Variants in ABCA4 observed in about 807,000 individuals in gnomAD.
ABCA4 encodes the protein retinal-specific phospholipid-transporting ATPase ABCA4.
In ABCA4, 196 loss-of-function variants were observed where a neutral mutation model predicts 263.7. The observed-to-expected ratio is 0.74, with a 90% CI of 0.66 to 0.84. ABCA4 has a LOEUF of 0.84. Ranked by LOEUF, ABCA4 falls within the 40% of genes least tolerant of loss-of-function variation. ABCA4 has a pLI of 0.00. For synonymous variants in ABCA4, 1,133 were observed against 1,094.2 expected (o/e 1.04, Z -0.70); for missense variants, 2,792 against 2,855.1 (o/e 0.98, Z 0.50).
chr1:94,000,979 C>G, intron 46 of ABCA4, 23 bp downstream of exon 46: 1 of 1,614,064 alleles, frequency 6.2e-7, no homozygotes, highest in Non-Finnish European at 8.5e-7. Flanking sequence ...CACCCACCTT[C>G]CCCAGCCCTG....
In ABCA4 at chr1:94,031,007, G is replaced by A. The variant is rs1660185334; in HGVS notation, c.4242C>T (p.Tyr1414=). The A allele has an allele frequency of 5.6e-6, 9 of 1,614,080 alleles. No homozygotes were observed. Among genetic ancestry groups the A allele is most frequent in the East Asian group, 2.2e-5 (1 of 44,874 alleles). Residue 1414 remains tyrosine, a synonymous_variant, in exon 28 of 50, where the codon TAC becomes TAT. Transcript: ENST00000370225. ...TLHPWIYGQQ[Y]TFFSMDEPGS... is the part of the protein sequence containing the mutation. ...CCGAGTCCGCGCACCTGAAGAAGGT[G>A]TACTGCTGCCCATATATCCAGGGGT... is the stretch of plus-strand genomic sequence containing the variant.
At chr1:94,101,046 C>A (rs1662272835) in intron 5 of ABCA4, among the ~76,000 whole-genome samples, 1 of 152,222 alleles carries the variant, frequency 6.6e-6, no homozygotes, top group Non-Finnish European at 1.5e-5. Context: ...ATCAGCAGAG[C>A]ATCAGCTCAT....
At chr1:94,015,583 C>T (rs1030126331) in intron 37 of ABCA4, among the ~76,000 whole-genome samples, 156 bp downstream of exon 37, 1 of 152,106 alleles carries the variant, frequency 6.6e-6, no homozygotes, top group African/African-American at 2.4e-5. Context: ...CAGACAGATC[C>T]CTGGTTATCA....
chr1:94,022,785 C>A (rs1659937597), intron 32 of ABCA4, among the ~76,000 whole-genome samples: 1 of 152,188 alleles, frequency 6.6e-6, no homozygotes, highest in Admixed American at 6.5e-5. Flanking sequence ...GCCGAGGCCC[C>A]ACAGGTCCCT....
intron 16 of ABCA4, among the ~76,000 whole-genome samples, chr1:94,054,440 A>G (rs1199298820): frequency 2.0e-5 from 3 of 150,814 alleles, no homozygotes; most frequent in Non-Finnish European, 4.4e-5. Flanking sequence ...AGATCTCTTC[A>G]GTCTGGAAAG....
At chr1:94,096,956 C>A (rs1662137572) in intron 6 of ABCA4, among the ~76,000 whole-genome samples, 1 of 152,204 alleles carries the variant, frequency 6.6e-6, no homozygotes, top group Non-Finnish European at 1.5e-5. Context: ...TGAGAGGGAG[C>A]CTCTGGTGGC....
chr1:94,078,565 C>T (rs760752514), intron 10 of ABCA4, 25 bp downstream of exon 10: 2 of 934,102 alleles, frequency 2.1e-6, no homozygotes, highest in South Asian at 2.5e-5. Context: ...CTCCCCTCCC[C>T]TCCCCATCCT....
At chr1:93,994,281 AG>A (rs1658941239) in intron 49 of ABCA4, among the ~76,000 whole-genome samples, 1 of 152,252 alleles carries the variant, frequency 6.6e-6, no homozygotes, top group Non-Finnish European at 1.5e-5. Flanking sequence ...TTAATAACAG[AG>A]TATAAGATTG....
intron 4 of ABCA4, among the ~76,000 whole-genome samples, chr1:94,105,156 C>A (rs1662397731): frequency 6.6e-6 from 1 of 152,178 alleles, no homozygotes; most frequent in Non-Finnish European, 1.5e-5. Flanking sequence ...CTCTGACACC[C>A]AGCATTAAAG....
intron 26 of ABCA4, among the ~76,000 whole-genome samples, chr1:94,035,405 A>G (rs1241538471): frequency 3.3e-5 from 5 of 152,184 alleles, no homozygotes; most frequent in Non-Finnish European, 7.3e-5. Flanking sequence ...CCCCACACCC[A>G]CTGTGCCAGG....
chr1:94,067,061 C>T (rs1230425865), intron 11 of ABCA4, among the ~76,000 whole-genome samples: 3 of 152,158 alleles, frequency 2.0e-5, no homozygotes, highest in Non-Finnish European at 2.9e-5. Flanking sequence ...TCTAGAATAG[C>T]ATTTTGTCAT....
In ABCA4 at chr1:94,015,048, C is replaced by T. The variant is rs149773970; in HGVS notation, c.5313-358G>A. On this transcript the variant is annotated intron_variant, in intron 37 of 49. Coordinates refer to ENST00000370225, the MANE Select transcript of ABCA4 (RefSeq NM_000350.3). ...CCAGCTGAGGTCATCTCAGATGAGCCCAGTGAGCTCATCTTCACAGCTTAT... is the reference window on the plus strand; with the variant it reads ...CCAGCTGAGGTCATCTCAGATGAGCTCAGTGAGCTCATCTTCACAGCTTAT... 3.3e-5 allele frequency among the ~76,000 whole-genome samples: 5 copies of T among 152,238 alleles called. No individual in the cohort carries two copies. In the East Asian group the frequency reaches 7.7e-4, roughly 24 times the overall value.
At chr1:94,014,199 AGGAAGGATG>A (rs1216329676) in intron 38 of ABCA4, among the ~76,000 whole-genome samples, 2 of 126,352 alleles carry the variant, frequency 1.6e-5, no homozygotes, top group East Asian at 5.0e-4. Context: ...GGAAGAAAGA[AGGAAGGATG>A]GAGGGAGGGA....
chr1:94,101,692 C>T (rs1361435061), intron 5 of ABCA4, among the ~76,000 whole-genome samples: 1 of 152,196 alleles, frequency 6.6e-6, no homozygotes, highest in Non-Finnish European at 1.5e-5. Flanking sequence ...GAGGATCAGA[C>T]CCAGCCAGGA....
intron 14 of ABCA4, among the ~76,000 whole-genome samples, chr1:94,058,537 T>A (rs1174885067): frequency 6.6e-6 from 1 of 152,222 alleles, no homozygotes; most frequent in Non-Finnish European, 1.5e-5. Flanking sequence ...AATTTTTGTA[T>A]TTTTAGGAGA....
chr1:94,089,470 A>ATTTT (rs60711208), intron 6 of ABCA4, among the ~76,000 whole-genome samples: 3 of 141,772 alleles, frequency 2.1e-5, no homozygotes, highest in Non-Finnish European at 3.1e-5. Context: ...TTTCTTTTCT[A>ATTTT]TTTTTTTTTT....
intron 1 of ABCA4, among the ~76,000 whole-genome samples, chr1:94,118,098 T>C (rs774266122): frequency 6.6e-6 from 1 of 152,082 alleles, no homozygotes; most frequent in African/African-American, 2.4e-5. Flanking sequence ...AGCATGGGTG[T>C]GAATCCCAGG....
Position 94,115,269 on chromosome 1 carries a change from C to T in ABCA4, c.67-2203G>A, listed in dbSNP as rs137895434. 1.4e-3 allele frequency among the ~76,000 whole-genome samples: 219 copies of T among 152,284 alleles called. 2 individuals are homozygous for T. Among genetic ancestry groups the T allele is most frequent in the African/African-American group, 4.9e-3 (205 of 41,550 alleles). On this transcript the variant is annotated intron_variant, in intron 1 of 49. Transcript: ENST00000370225. ...ATCCAACACATTTGACTCCTTTAGA[C>T]GACTGCTTGCAATATTGGCTTTCTA...
At chr1:94,027,639 C>T (rs998964514) in intron 30 of ABCA4, among the ~76,000 whole-genome samples, 3 of 152,144 alleles carry the variant, frequency 2.0e-5, no homozygotes, top group African/African-American at 7.2e-5. Context: ...ATCGGGTGTT[C>T]TTGGCCTAGA....
Sources: gnomAD v4.1 joint callset for allele counts (sites outside exome capture counted in the v4.1 genomes callset) on GRCh38, gnomAD v4.1.1 for gene constraint, MANE v1.5 for transcripts, NCBI Gene and HGNC (gene_info 2026-07-23, HGNC 2026-07-21) for gene names.